The following IRAG2 variants were observed in gnomAD, a reference collection of about 807,000 sequenced individuals.
IRAG2 encodes inositol 1,4,5-triphosphate receptor associated 2, also known as lymphoid restricted membrane protein.
IRAG2 carries 45 observed loss-of-function variants against 69.9 expected under a neutral mutation model. The observed-to-expected ratio is 0.64, with a 90% CI of 0.51 to 0.83. The LOEUF (loss-of-function observed/expected upper bound fraction) is 0.83. IRAG2 is among the 40% of genes least tolerant of loss of function. The pLI, the probability that IRAG2 is intolerant of heterozygous loss-of-function variation, is 0.00. For synonymous variants in IRAG2, 193 were observed against 202.4 expected (o/e 0.95, Z 0.40); for missense variants, 520 against 587.0 (o/e 0.89, Z 1.18).
intron 1 of IRAG2, among the ~76,000 whole-genome samples, chr12:25,057,990 C>G (rs1945383431): frequency 6.6e-6 from 1 of 151,808 alleles, no homozygotes; most frequent in African/African-American, 2.4e-5. Flanking sequence ...ATTGTTTTTC[C>G]TGCTGTTATT....
intron 3 of IRAG2, chr12:25,015,106 A>T: frequency 2.7e-6 from 1 of 371,492 alleles, no homozygotes. Context: ...AAAAAAAAAA[A>T]AAAAAAGACA....
chr12:25,057,727 C>T (rs1367181275), intron 1 of IRAG2, among the ~76,000 whole-genome samples: 2 of 152,064 alleles, frequency 1.3e-5, no homozygotes, highest in East Asian at 1.9e-4. Context: ...CATCAAAACA[C>T]GGAATTTCTA....
Position 25,079,419 on chromosome 12 carries a change from ACC to A in IRAG2, c.95_96del (p.Pro32GlnfsTer14), listed in dbSNP as rs756480867. 9.5e-5 allele frequency: 154 copies of A among 1,613,690 alleles called. No individual in the cohort carries two copies. The highest frequency in any genetic ancestry group is 1.2e-4 in the Non-Finnish European group (139 of 1,179,718). ...GCAGGGAATATTCCTCACTACCATT[ACC>A]CAGACACACTTCATCGACAGACGGT... ...QSREYSSLPLPRHTSSTDGTI... is the reference protein window; with the variant it reads ...QSREYSSLPLXRHTSSTDGTI... On this transcript the variant is annotated frameshift_variant, in exon 8 of 22. Transcript: ENST00000556887. LOFTEE classifies it high-confidence loss of function.
intron 20 of IRAG2, among the ~76,000 whole-genome samples, chr12:25,104,750 A>G (rs1948938997): frequency 6.6e-6 from 1 of 152,162 alleles, no homozygotes; most frequent in South Asian, 2.1e-4. Flanking sequence ...GTCTGTCTAC[A>G]ATGGGGAAAG....
rs1285682730 is a variant in IRAG2 at position 25,078,497 on chromosome 12, TTTTAA to T, written c.25-742_25-738del. ...TCTGAATGATTTCAGTTTTATTGAA[TTTTAA>T]TTTATTTTTCTAAACTAAATCAAAT... On this transcript the variant is annotated intron_variant, in intron 6 of 21. Coordinates refer to ENST00000556887, the MANE Select transcript of IRAG2 (RefSeq NM_001366544.2). Among the ~76,000 whole-genome samples, 6 of 152,346 alleles carry T rather than the reference TTTTAA, an allele frequency of 3.9e-5. No individual in the cohort carries two copies. In the South Asian group the frequency reaches 1.0e-3, roughly 26 times the overall value.
chr12:25,035,666 A>G (rs528579365), exon 14 of IRAG2: 9 of 399,052 alleles, frequency 2.3e-5, no homozygotes, highest in Non-Finnish European at 3.5e-5. Flanking sequence ...ACTGAAACAG[A>G]AAGGCAGCAC....
At chr12:25,075,431 G>C (rs1398595771) in intron 6 of IRAG2, among the ~76,000 whole-genome samples, 2 of 151,966 alleles carry the variant, frequency 1.3e-5, no homozygotes, top group African/African-American at 4.8e-5. Flanking sequence ...ATAATCCTGG[G>C]ATATTAGGCC....
At chr12:25,047,651 C>T (rs1944805596), upstream of IRAG2, among the ~76,000 whole-genome samples, 1 of 151,964 alleles carries the variant, frequency 6.6e-6, no homozygotes, top group Admixed American at 6.6e-5. Context: ...GTGGTGTTCC[C>T]CGCAATGTGT....
At chr12:25,099,064 A>G (rs997412353) in intron 15 of IRAG2, among the ~76,000 whole-genome samples, 11 of 152,244 alleles carry the variant, frequency 7.2e-5, no homozygotes, top group African/African-American at 2.6e-4. Context: ...GAAGAGCCCC[A>G]GGACTCCACT....
At chr12:25,016,060 G>A (rs149993343) in intron 5 of IRAG2, among the ~76,000 whole-genome samples, 59 of 152,262 alleles carry the variant, frequency 3.9e-4, no homozygotes, top group Non-Finnish European at 7.5e-4. Flanking sequence ...GCCGGGCATG[G>A]TGGCACGTGC....
In IRAG2 at chr12:25,033,265, T is replaced by G. The variant is rs138294540; in HGVS notation, c.1644-583T>G. On this transcript the variant is annotated intron_variant, in intron 12 of 38. Coordinates refer to the IRAG2 transcript ENST00000636465. ...CCACCCAGCCTGGCCTAAGTAATTG[T>G]TTTGAATGTAAGCATGGCACCTTGT... Among the ~76,000 whole-genome samples the G allele has an allele frequency of 9.1e-4, 138 of 152,218 alleles. 1 individual carries two copies. Among genetic ancestry groups the G allele is most frequent in the African/African-American group, 3.2e-3 (134 of 41,530 alleles).
intron 7 of IRAG2, among the ~76,000 whole-genome samples, chr12:25,021,882 T>G (rs140254299): frequency 1.3e-3 from 198 of 152,332 alleles, no homozygotes; most frequent in Non-Finnish European, 2.4e-3. Context: ...ACTAGATCAT[T>G]GAATGCCAGG....
intron 6 of IRAG2, chr12:25,076,787 T>A (rs1458572273): frequency 9.7e-6 from 2 of 206,930 alleles, no homozygotes; most frequent in Non-Finnish European, 1.7e-5. Flanking sequence ...TCAATTCTTA[T>A]TGATTTTTAT....
At chr12:25,039,712 G>C (rs1944732209) in intron 16 of IRAG2, among the ~76,000 whole-genome samples, 1 of 152,188 alleles carries the variant, frequency 6.6e-6, no homozygotes, top group African/African-American at 2.4e-5. Flanking sequence ...TTACAGGCGT[G>C]AGCCACCACA....
upstream of IRAG2, among the ~76,000 whole-genome samples, chr12:25,001,432 C>T (rs1944390216): frequency 6.6e-6 from 1 of 151,830 alleles, no homozygotes; most frequent in Non-Finnish European, 1.5e-5. Flanking sequence ...GGTAACAGAC[C>T]AAGACCCTGT....
Position 25,017,184 on chromosome 12 carries a change from GA to G in IRAG2, c.1110del (p.Lys370AsnfsTer13). ...GTAGCAGACCTTCATTTCAACAAAA[GA>G]AAACTTGAGGAAGAAAATAATAAGT... On this transcript the variant is annotated frameshift_variant, in exon 6 of 39. Transcript: ENST00000636465. LOFTEE classifies it high-confidence loss of function. The G allele has an allele frequency of 8.1e-7, 1 of 1,232,034 alleles. No individual in the cohort carries two copies. Among genetic ancestry groups the G allele is most frequent in the Non-Finnish European group, 1.0e-6 (1 of 987,904 alleles). 76.3% of individuals were successfully genotyped at this position (1,232,034 alleles called of 1,614,324 possible). A position where few individuals can be genotyped will look rare whatever the true frequency, so the allele number is the denominator to read the frequency against.
intron 16 of IRAG2, among the ~76,000 whole-genome samples, chr12:25,038,317 A>G (rs1944717977): frequency 6.6e-6 from 1 of 152,234 alleles, no homozygotes; most frequent in South Asian, 2.1e-4. Context: ...ATTGACTTAC[A>G]TGTTCAAAAT....
exon 1 of IRAG2, chr12:25,004,697 A>G: frequency 8.1e-7 from 1 of 1,232,114 alleles, no homozygotes; most frequent in Non-Finnish European, 1.0e-6. Context: ...AGTTCTGAAA[A>G]CGTCTCAAAG....
At chr12:25,095,613 A>G (rs1294631010) in intron 14 of IRAG2, among the ~76,000 whole-genome samples, 1 of 151,770 alleles carries the variant, frequency 6.6e-6, no homozygotes, top group Non-Finnish European at 1.5e-5. Flanking sequence ...TTTTTTCTTT[A>G]ATGTCTTTTT....
Sources: allele counts gnomAD v4.1 joint callset (sites outside exome capture counted in the v4.1 genomes callset), GRCh38; gene constraint gnomAD v4.1.1; transcripts MANE v1.5; gene names NCBI Gene and HGNC (gene_info 2026-07-23, HGNC 2026-07-21).